Variants in LOC128092252 observed in about 807,000 individuals in gnomAD.
At chr15:50,679,510 T>A in the LOC128092252 span, among the ~76,000 whole-genome samples, 2 of 109,002 alleles carry the variant, frequency 1.8e-5, no homozygotes, top group African/African-American at 9.5e-5. Context: ...TGTATATATA[T>A]AATATATATA....
chr15:50,664,027 C>T, the LOC128092252 span, among the ~76,000 whole-genome samples: 6 of 151,968 alleles, frequency 3.9e-5, no homozygotes, highest in African/African-American at 9.7e-5. Flanking sequence ...TGGCCGCGTG[C>T]GGTGGCTCAC....
At chr15:50,666,645 A>C in the LOC128092252 span, among the ~76,000 whole-genome samples, 1 of 152,154 alleles carries the variant, frequency 6.6e-6, no homozygotes, top group Non-Finnish European at 1.5e-5. Flanking sequence ...TCTACTAAAA[A>C]TACAAAATTA....
the LOC128092252 span, among the ~76,000 whole-genome samples, chr15:50,671,655 TTTTA>T: frequency 6.6e-6 from 1 of 152,066 alleles, no homozygotes. Context: ...CAAAAGTTTT[TTTTA>T]ATTAGCCAAG....
At chr15:50,671,528 G>A in the LOC128092252 span, among the ~76,000 whole-genome samples, 291 of 152,256 alleles carry the variant, frequency 1.9e-3, 1 homozygote, top group African/African-American at 6.4e-3. Context: ...TGCAGGCTGG[G>A]TGCAATGGCT....
the LOC128092252 span, among the ~76,000 whole-genome samples, chr15:50,649,232 T>C: frequency 6.6e-6 from 1 of 151,816 alleles, no homozygotes; most frequent in African/African-American, 2.4e-5. Context: ...AGGTCAAAAG[T>C]TCAAGACCAT....
chr15:50,680,375 C>T, the LOC128092252 span, among the ~76,000 whole-genome samples: 2 of 151,900 alleles, frequency 1.3e-5, no homozygotes, highest in African/African-American at 2.4e-5. Context: ...ACTCTGTCTC[C>T]AGTAAAAACA....
the LOC128092252 span, among the ~76,000 whole-genome samples, chr15:50,675,844 TTGG>T: frequency 1.3e-5 from 2 of 152,206 alleles, no homozygotes; most frequent in African/African-American, 4.8e-5. Context: ...TAAAGATCAG[TTGG>T]TGATCTTCAG....
At chr15:50,667,685 C>A in the LOC128092252 span, among the ~76,000 whole-genome samples, 2 of 152,098 alleles carry the variant, frequency 1.3e-5, no homozygotes, top group Non-Finnish European at 2.9e-5. Context: ...CCAGCCTGGG[C>A]AACAGAAGGA....
At chr15:50,677,754 A>AAC in the LOC128092252 span, among the ~76,000 whole-genome samples, 1 of 150,150 alleles carries the variant, frequency 6.7e-6, no homozygotes, top group Non-Finnish European at 1.5e-5. Flanking sequence ...AAAAAAAAAA[A>AAC]AAAAAACAAA....
chr15:50,681,312 C>T, the LOC128092252 span, among the ~76,000 whole-genome samples: 1 of 147,954 alleles, frequency 6.8e-6, no homozygotes, highest in East Asian at 1.9e-4. Flanking sequence ...AGAGCAATGG[C>T]CACAGCTAAA....
At chr15:50,686,123 G>A in the LOC128092252 span, among the ~76,000 whole-genome samples, 1 of 152,138 alleles carries the variant, frequency 6.6e-6, no homozygotes, top group Non-Finnish European at 1.5e-5. Flanking sequence ...AGAGCATTTG[G>A]TTCCCTTATC....
chr15:50,650,515 T>C, the LOC128092252 span, among the ~76,000 whole-genome samples: 2 of 151,860 alleles, frequency 1.3e-5, no homozygotes, highest in Non-Finnish European at 2.9e-5. Flanking sequence ...ACCAATATGG[T>C]GAAACTCTGT....
the LOC128092252 span, among the ~76,000 whole-genome samples, chr15:50,649,489 A>G: frequency 6.6e-6 from 1 of 152,122 alleles, no homozygotes; most frequent in Non-Finnish European, 1.5e-5. Flanking sequence ...AATAATAAAG[A>G]GAAGTGAATG....
the LOC128092252 span, among the ~76,000 whole-genome samples, chr15:50,673,633 C>T: frequency 5.4e-5 from 8 of 147,804 alleles, no homozygotes; most frequent in Admixed American, 2.0e-4. Flanking sequence ...AGTATTCCCT[C>T]GTATATATAT....
the LOC128092252 span, among the ~76,000 whole-genome samples, chr15:50,656,593 C>T: frequency 1.3e-5 from 2 of 151,734 alleles, no homozygotes; most frequent in African/African-American, 2.4e-5. Flanking sequence ...GCCTCAACCT[C>T]CCCAAGTGCT....
chr15:50,681,904 C>T, the LOC128092252 span, among the ~76,000 whole-genome samples: 1 of 152,196 alleles, frequency 6.6e-6, no homozygotes, highest in Admixed American at 6.6e-5. Flanking sequence ...TCATAAAAGA[C>T]TGTGCGGTGG....
At chr15:50,659,527 T>C in the LOC128092252 span, among the ~76,000 whole-genome samples, 13 of 152,200 alleles carry the variant, frequency 8.5e-5, no homozygotes, top group Admixed American at 8.5e-4. Context: ...AACTGTAAAT[T>C]ATGTCTCTCA....
At chr15:50,686,376 C>T in the LOC128092252 span, among the ~76,000 whole-genome samples, 12 of 152,258 alleles carry the variant, frequency 7.9e-5, no homozygotes, top group African/African-American at 2.7e-4. Context: ...GAACTGCACA[C>T]CCGTCCCGAG....
chr15:50,651,224 G>A, the LOC128092252 span, among the ~76,000 whole-genome samples: 1 of 149,408 alleles, frequency 6.7e-6, no homozygotes, highest in Admixed American at 7.0e-5. Context: ...AGAATACTGA[G>A]GCATGCAAAG....
Sources: gnomAD v4.1 joint callset for allele counts (sites outside exome capture counted in the v4.1 genomes callset) on GRCh38, gnomAD v4.1.1 for gene constraint, MANE v1.5 for transcripts.